The following OSGEPL1 variants were observed in gnomAD, a reference collection of about 807,000 sequenced individuals.
OSGEPL1 encodes the protein O-sialoglycoprotein endopeptidase like 1, also known as tRNA N6-adenosine threonylcarbamoyltransferase, mitochondrial.
Under a neutral mutation model 37.2 loss-of-function variants are expected in OSGEPL1, and 26 were observed. That is an observed-to-expected ratio of 0.70 (90% CI 0.51 to 0.97). OSGEPL1 has a LOEUF of 0.97. Among genes scored for constraint, OSGEPL1 ranks in the 50% least tolerant of loss-of-function variants. The probability of loss-of-function intolerance (pLI) is 0.00; values close to 1 mark genes in which losing one functional copy is unlikely to be tolerated. For missense variants in OSGEPL1, 404 were observed against 487.0 expected (o/e 0.83, Z 1.60); for synonymous variants, 140 against 159.9 (o/e 0.88, Z 0.94).
chr2:189,759,382 G>A (rs894051042), intron 2 of OSGEPL1, among the ~76,000 whole-genome samples: 1 of 152,002 alleles, frequency 6.6e-6, no homozygotes, highest in African/African-American at 2.4e-5. Flanking sequence ...CCAAGTAGCT[G>A]CGACTACAGG....
chr2:189,747,338 C>CCA (rs560791152), intron 8 of OSGEPL1, 170 bp from the exon 9 acceptor site: 11 of 75,744 alleles, frequency 1.5e-4, no homozygotes, highest in Non-Finnish European at 4.7e-5. Context: ...GACCCTGTCT[C>CCA]AAAAAAAAAA....
chr2:189,756,990 G>A (rs1482233006), intron 2 of OSGEPL1, among the ~76,000 whole-genome samples: 1 of 151,994 alleles, frequency 6.6e-6, no homozygotes, highest in Non-Finnish European at 1.5e-5. Context: ...TGCCTTTTCT[G>A]TGTATTTTAT....
intron 7 of OSGEPL1, 81 bp downstream of exon 7, chr2:189,752,572 A>T (rs1354967137): frequency 7.4e-7 from 1 of 1,350,566 alleles, no homozygotes; most frequent in Non-Finnish European, 1.0e-6. Flanking sequence ...ATGTCAATGA[A>T]AACCTCATAT....
In OSGEPL1 at chr2:189,761,663, GA is replaced by G; in HGVS notation, c.-20-4del. The G allele has an allele frequency of 6.6e-7, 1 of 1,511,658 alleles. No homozygotes were observed. Among genetic ancestry groups the G allele is most frequent in the Non-Finnish European group, 8.8e-7 (1 of 1,134,086 alleles). 93.6% of individuals were successfully genotyped at this position (1,511,658 alleles called of 1,614,324 possible). A position where few individuals can be genotyped will look rare whatever the true frequency, so the allele number is the denominator to read the frequency against. On this transcript the variant is annotated splice_polypyrimidine_tract_variant and splice_region_variant and intron_variant, in intron 1 of 8. Transcript: ENST00000264151. ...CATACTTACTCTATAGATAATTCCTGAAAAAGAATTACAGAAACAACTTATT... is the reference window on the plus strand; with the variant it reads ...CATACTTACTCTATAGATAATTCCTGAAAAGAATTACAGAAACAACTTATT...
chr2:189,751,981 A>G (rs551319027), intron 7 of OSGEPL1, among the ~76,000 whole-genome samples: 3 of 151,518 alleles, frequency 2.0e-5, no homozygotes, highest in Admixed American at 2.0e-4. Flanking sequence ...CCCAAAAACT[A>G]AAAATACAAA....
At chr2:189,763,190 A>G, upstream of OSGEPL1, 3 of 985,240 alleles carry the variant, frequency 3.0e-6, no homozygotes, top group South Asian at 4.7e-5. Flanking sequence ...GAGAAATAGG[A>G]TGGAATCTAG....
intron 2 of OSGEPL1, among the ~76,000 whole-genome samples, chr2:189,759,223 C>T (rs1455921848): frequency 3.3e-5 from 5 of 151,820 alleles, no homozygotes; most frequent in African/African-American, 7.3e-5. Context: ...GCCACCCTCC[C>T]GTAATTCTAT....
chr2:189,759,801 C>T (rs965265206), intron 2 of OSGEPL1, among the ~76,000 whole-genome samples: 14 of 151,664 alleles, frequency 9.2e-5, no homozygotes, highest in East Asian at 1.9e-4. Flanking sequence ...GGGTGTTTCT[C>T]GGAGAGGGGG....
chr2:189,762,532 C>T (rs2047257275), intron 1 of OSGEPL1, 153 bp downstream of exon 1: 2 of 922,952 alleles, frequency 2.2e-6, no homozygotes, highest in Non-Finnish European at 2.6e-6. Context: ...GAAGCACTAC[C>T]CTTTCGGGCC....
intron 2 of OSGEPL1, among the ~76,000 whole-genome samples, chr2:189,760,330 C>T (rs553517934): frequency 1.2e-4 from 18 of 152,088 alleles, no homozygotes; most frequent in African/African-American, 2.2e-4. Context: ...CCAGAGGTGG[C>T]GGCCAGGCGG....
intron 3 of OSGEPL1, 116 bp downstream of exon 3, chr2:189,755,057 A>C: frequency 8.0e-7 from 1 of 1,247,232 alleles, no homozygotes; most frequent in Admixed American, 2.9e-5. Flanking sequence ...AATTTTTTTC[A>C]GTTTACTAAG....
chr2:189,755,874 A>T (rs2045995129), intron 2 of OSGEPL1, among the ~76,000 whole-genome samples: 1 of 152,232 alleles, frequency 6.6e-6, no homozygotes, highest in Non-Finnish European at 1.5e-5. Context: ...GACAGGAAAA[A>T]ATTGTATTTA....
rs1467118308 is a variant in OSGEPL1 at position 189,752,684 on chromosome 2, G to A, written c.1135C>T (p.His379Tyr). 2 of 1,613,794 alleles carry A rather than the reference G, an allele frequency of 1.2e-6. No homozygotes were observed. Among genetic ancestry groups the A allele is most frequent in the South Asian group, 1.1e-5 (1 of 91,080 alleles). The change falls in exon 7 of 9, where the codon CAT becomes TAT. Residue 379 changes from histidine (H) to tyrosine (Y), a missense_variant. Physicochemically the swap from His to Tyr is moderately conservative, Grantham distance 83 (BLOSUM62 2). Coordinates refer to ENST00000264151, the MANE Select transcript of OSGEPL1 (RefSeq NM_022353.3). ...TCATAGCGGATGCCTTCTATGTCAT[G>A]TAAAATGCCCAAGCCAGCACGTAGT... Reference protein sequence around the residue: ...ERLRAGLGILHDIEGIRYEPK... With the variant: ...ERLRAGLGILYDIEGIRYEPK...
At chr2:189,760,301 C>T (rs1476644724) in intron 2 of OSGEPL1, among the ~76,000 whole-genome samples, 2 of 152,306 alleles carry the variant, frequency 1.3e-5, no homozygotes, top group African/African-American at 4.8e-5. Flanking sequence ...GGCAGCCGGG[C>T]AGAGGGGCTC....
At chr2:189,749,138 C>T (rs948848263) in intron 8 of OSGEPL1, among the ~76,000 whole-genome samples, 2 of 145,986 alleles carry the variant, frequency 1.4e-5, no homozygotes, top group African/African-American at 2.5e-5. Context: ...CCCAGCTACT[C>T]GGGAGGCTGA....
At chr2:189,761,304 T>C in intron 2 of OSGEPL1, 116 bp downstream of exon 2, 1 of 1,093,252 alleles carries the variant, frequency 9.1e-7, no homozygotes, top group Non-Finnish European at 1.3e-6. Context: ...TTATTAAAAG[T>C]GTTTGCAAAA....
chr2:189,754,181 G>A lies in OSGEPL1; in HGVS notation c.774C>T (p.His258=), dbSNP rs781360329. The change falls in exon 4 of 9, where the codon CAC becomes CAT. Residue 258 remains histidine, a synonymous_variant. Coordinates refer to ENST00000264151, the MANE Select transcript of OSGEPL1 (RefSeq NM_022353.3). ...TTTTCATTATTATTTTATCAGTAAC[G>A]TGTTGAAGTCCAGTAAAAGAAAAAT... ...NCDFSFTGLQ[H]VTDKIIMKKE... 2.1e-5 allele frequency: 34 copies of A among 1,613,622 alleles called. No individual in the cohort carries two copies. Among genetic ancestry groups the A allele is most frequent in the Non-Finnish European group, 2.5e-5 (30 of 1,179,730 alleles).
chr2:189,758,928 A>G (rs778428933), intron 2 of OSGEPL1, among the ~76,000 whole-genome samples: 1 of 152,216 alleles, frequency 6.6e-6, no homozygotes, highest in Non-Finnish European at 1.5e-5. Flanking sequence ...TAACTTTTAC[A>G]TGTTCAAAAG....
At chr2:189,758,688 G>A (rs1362947986) in intron 2 of OSGEPL1, among the ~76,000 whole-genome samples, 2 of 152,218 alleles carry the variant, frequency 1.3e-5, no homozygotes, top group Non-Finnish European at 1.5e-5. Flanking sequence ...GAACACCTGT[G>A]ATGTGTCAAA....
Sources: allele counts gnomAD v4.1 joint callset (sites outside exome capture counted in the v4.1 genomes callset), GRCh38; gene constraint gnomAD v4.1.1; transcripts MANE v1.5; gene names NCBI Gene and HGNC (gene_info 2026-07-23, HGNC 2026-07-21).